MYT1L: variants seen among roughly 807,000 people sequenced by gnomAD.
MYT1L encodes the protein myelin transcription factor 1 like.
In MYT1L, 12 loss-of-function variants were observed where a neutral mutation model predicts 126.7. The observed-to-expected ratio is 0.09, with a 90% confidence interval of 0.06 to 0.15. The LOEUF (loss-of-function observed/expected upper bound fraction) is 0.15. Among genes scored for constraint, MYT1L ranks in the 10% least tolerant of loss-of-function variants. MYT1L has a pLI of 1.00. For missense variants in MYT1L, 979 were observed against 1,585.2 expected (o/e 0.62, Z 6.49); for synonymous variants, 541 against 604.2 (o/e 0.90, Z 1.53).
chr2:1,955,669 T>C (rs1390092565), intron 8 of MYT1L, among the ~76,000 whole-genome samples: 1 of 152,224 alleles, frequency 6.6e-6, no homozygotes, highest in East Asian at 1.9e-4. Flanking sequence ...GTTTGCTCCA[T>C]GGTATCTCCC....
At chr2:1,815,966 G>A (rs190456820) in intron 21 of MYT1L, among the ~76,000 whole-genome samples, 7 of 152,114 alleles carry the variant, frequency 4.6e-5, no homozygotes, top group East Asian at 1.9e-4. Flanking sequence ...CCAATGGAAC[G>A]CCCCATGGCA....
intron 3 of MYT1L, among the ~76,000 whole-genome samples, chr2:2,094,488 CA>C (rs2077221721): frequency 1.3e-5 from 2 of 152,222 alleles, no homozygotes; most frequent in African/African-American, 4.8e-5. Flanking sequence ...TTTATTGCGG[CA>C]CTATTTACAA....
intron 2 of MYT1L, among the ~76,000 whole-genome samples, chr2:2,196,627 T>C (rs892851501): frequency 4.0e-5 from 6 of 151,786 alleles, no homozygotes; most frequent in African/African-American, 1.4e-4. Context: ...GGGGAAGTAG[T>C]TGGAGTTAAA....
At chr2:2,211,803 C>CAAA (rs35770675) in intron 2 of MYT1L, among the ~76,000 whole-genome samples, 3 of 59,720 alleles carry the variant, frequency 5.0e-5, no homozygotes, top group Admixed American at 1.9e-4. Context: ...GACTCCATGT[C>CAAA]AAAAAAAAAA....
chr2:2,100,381 C>T (rs141811331), intron 3 of MYT1L, among the ~76,000 whole-genome samples: 89 of 152,136 alleles, frequency 5.9e-4, no homozygotes, highest in African/African-American at 2.1e-3. Flanking sequence ...TAAACTTTAC[C>T]TTAAATTTTA....
At chr2:2,299,390 G>T (rs572558003) in intron 1 of MYT1L, among the ~76,000 whole-genome samples, 1 of 152,216 alleles carries the variant, frequency 6.6e-6, no homozygotes, top group African/African-American at 2.4e-5. Context: ...GGATGCCTGC[G>T]GGCTGGCAAG....
chr2:1,922,593 C>T lies in MYT1L; in HGVS notation c.1176G>A (p.Arg392=), dbSNP rs770460652. Residue 392 remains arginine, a synonymous_variant, in exon 10 of 25, where the codon CGG becomes CGA. Coordinates refer to ENST00000647738, the MANE Select transcript of MYT1L (RefSeq NM_001303052.2). This position sits in a 1 kb window ranked among gnomAD's most constrained non-coding sequence, Gnocchi z 7.4. ...LMRLEEQLSP[R]SRVFASCAKE... Reference sequence around the variant, plus strand: ...TCGCACAGCTGGCAAACACTCTCGACCGGGGGCTCAACTGCTCCTCCAGCC... The same window carrying T: ...TCGCACAGCTGGCAAACACTCTCGATCGGGGGCTCAACTGCTCCTCCAGCC... 11 of 1,613,892 alleles carry T rather than the reference C, an allele frequency of 6.8e-6. No individual in the cohort carries two copies. Among genetic ancestry groups the T allele is most frequent in the South Asian group, 3.3e-5 (3 of 91,082 alleles).
At chr2:2,154,163 T>G (rs906411221) in intron 3 of MYT1L, among the ~76,000 whole-genome samples, 10 of 152,298 alleles carry the variant, frequency 6.6e-5, no homozygotes, top group African/African-American at 2.4e-4. Context: ...CTGTTTGCAC[T>G]GGGAGGGCTG....
At chr2:2,153,962 A>C (rs2086277615) in intron 3 of MYT1L, among the ~76,000 whole-genome samples, 1 of 152,158 alleles carries the variant, frequency 6.6e-6, no homozygotes, top group Admixed American at 6.5e-5. Context: ...GAGAGGGACA[A>C]GGCCAGACAG....
chr2:1,850,122 C>T (rs1017446144), intron 19 of MYT1L, among the ~76,000 whole-genome samples: 4 of 150,890 alleles, frequency 2.7e-5, no homozygotes, highest in Non-Finnish European at 5.9e-5. Context: ...TCGCTCCCTT[C>T]CCTCCTGCCC....
chr2:2,280,694 C>T (rs904777610), intron 2 of MYT1L, among the ~76,000 whole-genome samples: 12 of 152,124 alleles, frequency 7.9e-5, no homozygotes, highest in African/African-American at 2.2e-4. Flanking sequence ...GGTGGCCACG[C>T]GCGTGCAGCA....
chr2:1,870,912 C>T (rs1278733202), intron 18 of MYT1L, among the ~76,000 whole-genome samples: 1 of 152,176 alleles, frequency 6.6e-6, no homozygotes, highest in Non-Finnish European at 1.5e-5. Flanking sequence ...TGCGAGCTGC[C>T]CACTGGGCAT....
intron 3 of MYT1L, among the ~76,000 whole-genome samples, chr2:2,093,618 A>C (rs1337916415): frequency 2.0e-5 from 3 of 151,978 alleles, no homozygotes; most frequent in Non-Finnish European, 4.4e-5. Context: ...AGATTGCAAA[A>C]ATTTTCTCCC....
intron 2 of MYT1L, among the ~76,000 whole-genome samples, chr2:2,277,274 T>C (rs936659010): frequency 6.6e-6 from 1 of 152,186 alleles, no homozygotes; most frequent in African/African-American, 2.4e-5. Context: ...CTGGCCCCGA[T>C]TGATTCTTAA....
chr2:2,325,996 G>T (rs368124614), intron 1 of MYT1L: 3 of 152,258 alleles, frequency 2.0e-5, no homozygotes, highest in East Asian at 3.8e-4. Context: ...AAGAAAAAAA[G>T]AAATCCTATG....
chr2:2,226,338 A>AG (rs200444536), intron 2 of MYT1L, among the ~76,000 whole-genome samples: 6,608 of 152,226 alleles, frequency 0.043, 451 homozygotes, highest in African/African-American at 0.15. Flanking sequence ...TTTGTTCTAT[A>AG]ATAAAACAGG....
chr2:1,996,167 G>A (rs1303573041), intron 5 of MYT1L, among the ~76,000 whole-genome samples: 6 of 152,214 alleles, frequency 3.9e-5, no homozygotes, highest in Admixed American at 2.0e-4. Context: ...CTAGGAAACC[G>A]GGCTAGGAGA....
At chr2:2,266,005 C>T (rs375283209) in intron 2 of MYT1L, among the ~76,000 whole-genome samples, 4 of 152,098 alleles carry the variant, frequency 2.6e-5, no homozygotes, top group Non-Finnish European at 5.9e-5. Flanking sequence ...AGAATAGCTC[C>T]GGGTGCAGGT....
At chr2:1,886,878 G>A (rs139620881) in intron 17 of MYT1L, among the ~76,000 whole-genome samples, 30 of 152,226 alleles carry the variant, frequency 2.0e-4, no homozygotes, top group African/African-American at 6.7e-4. Flanking sequence ...AATTTAGGTC[G>A]TTTATTTGAA....
Sources: gnomAD v4.1 joint callset for allele counts (sites outside exome capture counted in the v4.1 genomes callset) on GRCh38, gnomAD v4.1.1 for gene constraint, Gnocchi (gnomAD v3.1) non-coding constraint, MANE v1.5 for transcripts, NCBI Gene and HGNC (gene_info 2026-07-23, HGNC 2026-07-21) for gene names.